PDE6A: variants seen among roughly 807,000 people sequenced by gnomAD.
PDE6A encodes rod cGMP-specific 3',5'-cyclic phosphodiesterase subunit alpha.
PDE6A carries 84 observed loss-of-function variants against 106.3 expected under a neutral mutation model. That is an observed-to-expected ratio of 0.79 (90% CI 0.66 to 0.95). PDE6A has a LOEUF of 0.95. PDE6A is among the 40% of genes least tolerant of loss of function. The pLI, the probability that PDE6A is intolerant of heterozygous loss-of-function variation, is 0.00. For synonymous variants in PDE6A, 394 were observed against 386.6 expected (o/e 1.02, Z -0.23); for missense variants, 1,052 against 1,084.9 (o/e 0.97, Z 0.43).
At chr5:149,923,091 G>T (rs986173601) in intron 4 of PDE6A, among the ~76,000 whole-genome samples, 6 of 152,218 alleles carry the variant, frequency 3.9e-5, no homozygotes, top group African/African-American at 1.4e-4. Flanking sequence ...AGCTATGAAA[G>T]CTCACTGGCC....
intron 6 of PDE6A, among the ~76,000 whole-genome samples, chr5:149,913,055 AG>A (rs1753434810): frequency 6.6e-6 from 1 of 152,182 alleles, no homozygotes; most frequent in Non-Finnish European, 1.5e-5. Context: ...TTGATAAGGT[AG>A]AAAAAAAAAG....
At chr5:149,876,916 T>C (rs1295761520) in intron 17 of PDE6A, among the ~76,000 whole-genome samples, 1 of 148,680 alleles carries the variant, frequency 6.7e-6, no homozygotes, top group Non-Finnish European at 1.5e-5. Context: ...TGAGAGATGA[T>C]AGATAGATAG....
chr5:149,909,339 T>A (rs1396762030), intron 6 of PDE6A, among the ~76,000 whole-genome samples: 2 of 152,230 alleles, frequency 1.3e-5, no homozygotes, highest in African/African-American at 4.8e-5. Context: ...AAAATTTTTT[T>A]ATAGAGACAG....
At chr5:149,943,989 A>T (rs898425499) in intron 1 of PDE6A, among the ~76,000 whole-genome samples, 14 of 152,238 alleles carry the variant, frequency 9.2e-5, no homozygotes, top group African/African-American at 3.4e-4. Flanking sequence ...GATGAAAGAC[A>T]TACAGTTCTC....
chr5:149,911,338 G>A lies in PDE6A; in HGVS notation c.998+3605C>T, dbSNP rs188285530. On this transcript the variant is annotated intron_variant, in intron 6 of 21. Coordinates refer to ENST00000255266, the MANE Select transcript of PDE6A (RefSeq NM_000440.3). ...CTTACAAGAAAAGTAGCTTTAAAAT[G>A]ACCAATCTGCTTTTTTGTTCTTTGT... Among the ~76,000 whole-genome samples, 50 of 152,226 alleles carry A rather than the reference G, an allele frequency of 3.3e-4. 1 individual carries two copies. The highest frequency in any genetic ancestry group is 1.8e-3 in the Admixed American group (27 of 15,296).
intron 19 of PDE6A, 122 bp downstream of exon 19, chr5:149,867,603 T>C (rs1760377578): frequency 2.3e-6 from 2 of 866,898 alleles, no homozygotes; most frequent in Non-Finnish European, 1.9e-6. Flanking sequence ...TTAGAACCAC[T>C]GCATTAGGAA....
intron 20 of PDE6A, among the ~76,000 whole-genome samples, chr5:149,865,086 A>G (rs979859423): frequency 1.3e-5 from 2 of 152,072 alleles, no homozygotes; most frequent in Non-Finnish European, 2.9e-5. Context: ...CTAAAAATAC[A>G]AAAATTAGCC....
chr5:149,858,816 C>CTTTTTTTTTTTT lies in PDE6A; in HGVS notation c.*2078_*2079insAAAAAAAAAAAA, dbSNP rs764134058. ...AAGAGAGAAATTCTATCTGCCACAT[C>CTTTTTTTTTTTT]TTTTTTTTTTCTTTTTTTTTTTTTT... On this transcript the variant is annotated 3_prime_UTR_variant, in exon 22 of 22. Transcript: ENST00000255266. 8.2e-4 allele frequency: 65 copies of CTTTTTTTTTTTT among 79,148 alleles called. 10 individuals are homozygous for CTTTTTTTTTTTT. The highest frequency in any genetic ancestry group is 3.1e-3 in the African/African-American group (60 of 19,388). The allele number at this position is 79,148 out of a possible 1,614,324, so 4.9% of individuals were successfully genotyped here. A position where few individuals can be genotyped will look rare whatever the true frequency, so the allele number is the denominator to read the frequency against.
intron 4 of PDE6A, among the ~76,000 whole-genome samples, chr5:149,926,375 T>C (rs1328690919): frequency 6.6e-6 from 1 of 152,194 alleles, no homozygotes; most frequent in East Asian, 1.9e-4. Flanking sequence ...ATCTTTTCAC[T>C]AGAAGAGTAG....
intron 13 of PDE6A, among the ~76,000 whole-genome samples, chr5:149,891,340 C>T (rs1455970363): frequency 6.6e-6 from 1 of 152,034 alleles, no homozygotes; most frequent in East Asian, 1.9e-4. Flanking sequence ...GGTGGTGACG[C>T]GTGCCTGTAA....
chr5:149,921,427 T>G (rs568113723), intron 5 of PDE6A, among the ~76,000 whole-genome samples: 4 of 148,910 alleles, frequency 2.7e-5, no homozygotes, highest in South Asian at 2.1e-4. Flanking sequence ...ATTGTTGCTG[T>G]TTTTTTTTTA....
At chr5:149,941,053 T>G (rs1202942463) in intron 1 of PDE6A, among the ~76,000 whole-genome samples, 1 of 152,164 alleles carries the variant, frequency 6.6e-6, no homozygotes, top group East Asian at 1.9e-4. Flanking sequence ...TTGGCCAGTG[T>G]AGGAGTGAAT....
At chr5:149,892,142 C>T (rs899853731) in intron 13 of PDE6A, among the ~76,000 whole-genome samples, 1 of 152,096 alleles carries the variant, frequency 6.6e-6, no homozygotes, top group South Asian at 2.1e-4. Flanking sequence ...GACCCCCCAT[C>T]TCTCTAAAAA....
intron 6 of PDE6A, among the ~76,000 whole-genome samples, chr5:149,913,447 T>C (rs1269180499): frequency 6.6e-6 from 1 of 150,636 alleles, no homozygotes; most frequent in Non-Finnish European, 1.5e-5. Context: ...AATAAAGGAA[T>C]AGAGATAACC....
intron 6 of PDE6A, among the ~76,000 whole-genome samples, chr5:149,908,641 C>T (rs1395222667): frequency 6.6e-6 from 1 of 152,052 alleles, no homozygotes; most frequent in African/African-American, 2.4e-5. Context: ...ATGTCTTTTA[C>T]TCATTTTTAA....
At chr5:149,889,325 G>A (rs1383655787) in intron 13 of PDE6A, among the ~76,000 whole-genome samples, 2 of 151,734 alleles carry the variant, frequency 1.3e-5, no homozygotes, top group Non-Finnish European at 2.9e-5. Context: ...CTGTACTCCA[G>A]GTTGCCTTTA....
intron 6 of PDE6A, among the ~76,000 whole-genome samples, chr5:149,908,786 G>C (rs1314829093): frequency 6.6e-6 from 1 of 152,150 alleles, no homozygotes; most frequent in Non-Finnish European, 1.5e-5. Context: ...GGAGTCTGAA[G>C]TGGGAGGATC....
chr5:149,895,634 GA>G (rs56836177), intron 12 of PDE6A, among the ~76,000 whole-genome samples: 12,025 of 146,506 alleles, frequency 0.082, 861 homozygotes, highest in African/African-American at 0.19. Context: ...GCTCTACAGG[GA>G]AAAAAAAAAC....
intron 1 of PDE6A, among the ~76,000 whole-genome samples, chr5:149,938,569 G>A (rs1399926834): frequency 6.6e-6 from 1 of 152,176 alleles, no homozygotes; most frequent in East Asian, 1.9e-4. Context: ...GACCTCATGG[G>A]TTTTCCTGCC....
Sources: gnomAD v4.1 joint callset for allele counts (sites outside exome capture counted in the v4.1 genomes callset) on GRCh38, gnomAD v4.1.1 for gene constraint, MANE v1.5 for transcripts, NCBI Gene and HGNC (gene_info 2026-07-23, HGNC 2026-07-21) for gene names.